The following ARL15 variants were observed in gnomAD, a reference collection of about 807,000 sequenced individuals.
ARL15 encodes ARF like GTPase 15, also known as ADP-ribosylation factor-like protein 15.
ARL15 carries 19 observed loss-of-function variants against 25.2 expected under a neutral mutation model. The ratio of observed to expected loss-of-function variants is 0.75; its 90% CI spans 0.53 to 1.10. ARL15 has a LOEUF of 1.10. Among genes scored for constraint, ARL15 ranks in the 50% least tolerant of loss-of-function variants. ARL15 has a pLI of 0.00. For missense variants in ARL15, 220 were observed against 246.0 expected (o/e 0.89, Z 0.71); for synonymous variants, 94 against 86.8 (o/e 1.08, Z -0.46).
intron 4 of ARL15, among the ~76,000 whole-genome samples, chr5:53,980,220 T>A (rs556785697): frequency 1.3e-5 from 2 of 152,224 alleles, no homozygotes; most frequent in Non-Finnish European, 2.9e-5. Context: ...TTTTCCCATT[T>A]CTTAGTACTA....
chr5:54,142,315 G>A (rs1753800360), intron 3 of ARL15, among the ~76,000 whole-genome samples: 1 of 152,130 alleles, frequency 6.6e-6, no homozygotes, highest in Non-Finnish European at 1.5e-5. Flanking sequence ...GTGGCATGGG[G>A]GAATTTGGAT....
intron 1 of ARL15, among the ~76,000 whole-genome samples, chr5:54,258,410 C>A (rs1579958132): frequency 6.6e-6 from 1 of 152,136 alleles, no homozygotes; most frequent in East Asian, 1.9e-4. Context: ...CGAGCTATGT[C>A]TGTCTAGCCC....
chr5:54,171,013 T>C (rs1754701568), intron 2 of ARL15, among the ~76,000 whole-genome samples: 1 of 152,194 alleles, frequency 6.6e-6, no homozygotes, highest in Admixed American at 6.5e-5. Context: ...TTTCCTCTTA[T>C]ACTCTTCTTT....
intron 4 of ARL15, among the ~76,000 whole-genome samples, chr5:54,030,302 A>G (rs951435780): frequency 6.6e-5 from 10 of 152,198 alleles, no homozygotes; most frequent in Non-Finnish European, 1.5e-4. Context: ...TGGAGGGGGG[A>G]TAATATTTTA....
chr5:54,027,622 T>C (rs1267269610), intron 4 of ARL15, among the ~76,000 whole-genome samples: 1 of 152,186 alleles, frequency 6.6e-6, no homozygotes, highest in African/African-American at 2.4e-5. Flanking sequence ...TTGAACATTT[T>C]TGGTTTTGTT....
intron 4 of ARL15, among the ~76,000 whole-genome samples, chr5:54,052,990 A>G (rs1183644332): frequency 3.9e-5 from 6 of 152,146 alleles, no homozygotes; most frequent in African/African-American, 1.4e-4. Context: ...AAACCCCACA[A>G]CGATGAGGCT....
chr5:54,110,805 G>A (rs1038770763), intron 4 of ARL15, among the ~76,000 whole-genome samples: 2 of 151,926 alleles, frequency 1.3e-5, no homozygotes, highest in African/African-American at 4.8e-5. Context: ...TGCTCCCAAC[G>A]ATTTTAAAGT....
chr5:54,222,454 T>C (rs973368894), intron 1 of ARL15, among the ~76,000 whole-genome samples: 2 of 152,220 alleles, frequency 1.3e-5, no homozygotes. Context: ...TTGGATATTG[T>C]AGTACTTGTT....
At chr5:54,107,132 G>A (rs1156737936) in intron 4 of ARL15, among the ~76,000 whole-genome samples, 1 of 152,096 alleles carries the variant, frequency 6.6e-6, no homozygotes, top group African/African-American at 2.4e-5. Flanking sequence ...AAATGAAGAA[G>A]GGGCTAAAGC....
intron 4 of ARL15, among the ~76,000 whole-genome samples, chr5:54,056,448 C>T (rs532381640): frequency 2.0e-5 from 3 of 151,806 alleles, no homozygotes; most frequent in Admixed American, 6.6e-5. Flanking sequence ...CTGGCCAACA[C>T]GGTGAAACCT....
intron 3 of ARL15, among the ~76,000 whole-genome samples, chr5:54,116,053 C>T (rs985055191): frequency 3.3e-5 from 5 of 152,096 alleles, no homozygotes; most frequent in East Asian, 3.9e-4. Context: ...CAGCTTGATG[C>T]GATAAGGAAC....
At chr5:54,253,281 T>G (rs1462856924) in intron 1 of ARL15, among the ~76,000 whole-genome samples, 1 of 152,074 alleles carries the variant, frequency 6.6e-6, no homozygotes, top group African/African-American at 2.4e-5. Flanking sequence ...ATGCCTCTCT[T>G]GGGCCTGAAA....
chr5:53,887,814 C>T (rs113711151), intron 4 of ARL15, among the ~76,000 whole-genome samples: 4,800 of 152,248 alleles, frequency 0.032, 142 homozygotes, highest in Middle Eastern at 0.048. Context: ...AAAAAAGTAT[C>T]TCCACTTTAA....
At chr5:54,263,991 C>A (rs1392391727) in intron 1 of ARL15, among the ~76,000 whole-genome samples, 1 of 152,100 alleles carries the variant, frequency 6.6e-6, no homozygotes, top group Non-Finnish European at 1.5e-5. Flanking sequence ...CCTCTACCAA[C>A]TCCTTCAGTA....
At chr5:54,100,069 AAGAT>A (rs1405966713) in intron 4 of ARL15, among the ~76,000 whole-genome samples, 13 of 152,294 alleles carry the variant, frequency 8.5e-5, no homozygotes, top group Middle Eastern at 3.4e-3. Context: ...GACATGTACA[AAGAT>A]ATTTATCAAC....
At chr5:54,112,858 T>C (rs926572820) in intron 4 of ARL15, among the ~76,000 whole-genome samples, 6 of 152,124 alleles carry the variant, frequency 3.9e-5, no homozygotes, top group Non-Finnish European at 8.8e-5. Flanking sequence ...ACTCACGATA[T>C]GTTCCTAGAA....
intron 4 of ARL15, among the ~76,000 whole-genome samples, chr5:54,101,473 C>T (rs1752436766): frequency 6.6e-6 from 1 of 152,046 alleles, no homozygotes; most frequent in African/African-American, 2.4e-5. Context: ...TCTGCATCTA[C>T]ACTGCTAGAA....
chr5:54,002,540 A>G (rs967128027), intron 4 of ARL15, among the ~76,000 whole-genome samples: 1 of 152,230 alleles, frequency 6.6e-6, no homozygotes, highest in Admixed American at 6.5e-5. Flanking sequence ...TATTTTAGGC[A>G]GAGTAATCAA....
At chr5:54,149,490 G>T (rs1023025174) in intron 3 of ARL15, among the ~76,000 whole-genome samples, 1 of 152,110 alleles carries the variant, frequency 6.6e-6, no homozygotes, top group African/African-American at 2.4e-5. Context: ...TTGAGAGGCG[G>T]CAAAGTGAGA....
Sources: allele counts gnomAD v4.1 joint callset (sites outside exome capture counted in the v4.1 genomes callset), GRCh38; gene constraint gnomAD v4.1.1; transcripts MANE v1.5; gene names NCBI Gene and HGNC (gene_info 2026-07-23, HGNC 2026-07-21).